PFKM: variants seen among roughly 807,000 people sequenced by gnomAD.
The protein encoded by PFKM is phosphofructokinase, muscle.
In PFKM, 58 loss-of-function variants were observed where a neutral mutation model predicts 95.5. That is an observed-to-expected ratio of 0.61 (90% CI 0.49 to 0.76). The LOEUF (loss-of-function observed/expected upper bound fraction) is 0.76, where lower values mean the gene tolerates loss of function less well. Among genes scored for constraint, PFKM ranks in the 30% least tolerant of loss-of-function variants. PFKM has a pLI of 0.00. For missense variants in PFKM, 678 were observed against 1,005.4 expected (o/e 0.67, Z 4.40); for synonymous variants, 336 against 357.2 (o/e 0.94, Z 0.67).
rs144745292 is a variant in PFKM, at chr12:48,131,183, C to T, written c.160-133C>T. On this transcript the variant is annotated intron_variant, in intron 3 of 22. Coordinates refer to ENST00000359794, the MANE Select transcript of PFKM (RefSeq NM_000289.6). ...TGGACTGTGTTAAATATGATAGTCTCACGAGCATCCAGGACTCACTAATGG... is the reference window on the plus strand; with the variant it reads ...TGGACTGTGTTAAATATGATAGTCTTACGAGCATCCAGGACTCACTAATGG... 317 of 724,584 alleles carry T rather than the reference C, an allele frequency of 4.4e-4. 5 individuals are homozygous for T. The African/African-American group carries it at 5.0e-3, about 12-fold the overall frequency. 44.9% of individuals were successfully genotyped at this position (724,584 alleles called of 1,614,324 possible). A position where few individuals can be genotyped will look rare whatever the true frequency, so the allele number is the denominator to read the frequency against.
At chr12:48,116,148 C>G (rs1592616889), upstream of PFKM, among the ~76,000 whole-genome samples, 1 of 144,524 alleles carries the variant, frequency 6.9e-6, no homozygotes, top group African/African-American at 2.6e-5. Flanking sequence ...CTTCCTCTCT[C>G]TCTCCCTCAC....
intron 10 of PFKM, 21 bp from the exon 11 acceptor site, chr12:48,137,700 T>C: frequency 9.3e-6 from 15 of 1,613,994 alleles, no homozygotes; most frequent in Non-Finnish European, 1.3e-5. Context: ...CAGACTGTCT[T>C]TGTTCTCTGG....
At chr12:48,106,237 G>A in intron 1 of PFKM, 1 of 642,294 alleles carries the variant, frequency 1.6e-6, no homozygotes, top group Admixed American at 2.4e-5. Flanking sequence ...AGCGAAGGGA[G>A]CATTTAAGAC....
intron 3 of PFKM, among the ~76,000 whole-genome samples, chr12:48,110,466 A>C (rs1239541908): frequency 1.3e-5 from 2 of 152,208 alleles, no homozygotes; most frequent in Non-Finnish European, 2.9e-5. Flanking sequence ...GATGGATGCC[A>C]CTGCCTTGCT....
At position 48,140,037 on chromosome 12, in the gene PFKM, G is replaced by T. The variant is rs112653217; in HGVS notation, c.1191+125G>T. The T allele has an allele frequency of 0.011, 7,885 of 699,876 alleles. 141 individuals are homozygous for T. The highest frequency in any genetic ancestry group is 0.048 in the African/African-American group (2,739 of 56,848). 43.4% of individuals were successfully genotyped at this position (699,876 alleles called of 1,614,324 possible). The stretch of plus-strand genomic sequence containing the variant: ...CTTCTCTGCCCCACTCTGATCTTCA[G>T]TGCTGGGTCCCTGGCCCTATTATAA... On this transcript the variant is annotated intron_variant, in intron 13 of 22. Transcript: ENST00000359794.
rs1565913065 is a variant in PFKM, at chr12:48,143,776, A to G, written c.1842A>G (p.Gln614=). Residue 614 remains glutamine (Q), a synonymous_variant, in exon 19 of 23, where the codon CAA becomes CAG. Coordinates refer to ENST00000359794, the MANE Select transcript of PFKM (RefSeq NM_000289.6). ...AGGCAAATGTTGAACATCTGGTGCA[A>G]AAGATGAAAACAACTGTGAAAAGGG... ...DLQANVEHLV[Q]KMKTTVKRGL... The G allele has an allele frequency of 6.2e-7, 1 of 1,613,576 alleles. No individual in the cohort carries two copies. Among genetic ancestry groups the G allele is most frequent in the Non-Finnish European group, 8.5e-7 (1 of 1,179,460 alleles).
rs1316130438 is a variant in PFKM, at chr12:48,140,720, A to G, written c.1192-2A>G. ...CATTTTTCCCTGCTTCCTCCTGTAT[A>G]GAGTGGTTCGCACACAGTGGCTGTG... On this transcript the variant is annotated splice_acceptor_variant, in intron 13 of 22. Transcript: ENST00000359794. LOFTEE classifies it high-confidence loss of function. 2 of 1,614,028 alleles carry G rather than the reference A, an allele frequency of 1.2e-6. No homozygotes were observed. Among genetic ancestry groups the G allele is most frequent in the Non-Finnish European group, 1.7e-6 (2 of 1,179,982 alleles).
At chr12:48,111,089 A>G (rs1947144689) in intron 3 of PFKM, among the ~76,000 whole-genome samples, 1 of 152,202 alleles carries the variant, frequency 6.6e-6, no homozygotes, top group Non-Finnish European at 1.5e-5. Context: ...ACTGCCCACT[A>G]GACATAAAGC....
At chr12:48,132,653 C>A (rs1359244083) in intron 4 of PFKM, 8 of 591,902 alleles carry the variant, frequency 1.4e-5, no homozygotes, top group Non-Finnish European at 1.5e-5. Context: ...TCTTAGCAGT[C>A]TTCTCAGATG....
intron 5 of PFKM, 55 bp downstream of exon 5, chr12:48,133,112 TACAC>T: frequency 6.7e-7 from 1 of 1,503,204 alleles, no homozygotes; most frequent in Non-Finnish European, 9.3e-7. Context: ...TGCACGCGTG[TACAC>T]ACACACATCG....
At chr12:48,121,992 G>T (rs1948331744) in intron 1 of PFKM, among the ~76,000 whole-genome samples, 1 of 152,024 alleles carries the variant, frequency 6.6e-6, no homozygotes, top group Admixed American at 6.6e-5. Flanking sequence ...AAATATGAAG[G>T]TGTTCCCATG....
chr12:48,145,467 T>C lies in PFKM; in HGVS notation c.2199-97T>C. The C allele has an allele frequency of 6.8e-7, 1 of 1,464,592 alleles. No individual in the cohort carries two copies. Among genetic ancestry groups the C allele is most frequent in the Admixed American group, 1.8e-5 (1 of 56,970 alleles). The allele number at this position is 1,464,592 out of a possible 1,614,324, so 90.7% of individuals were successfully genotyped here. Reference sequence around the variant, plus strand: ...TCAGATGTGATGCACATGTCCTAAATCTAACCTCTTCTGTCTAACTTCTTC... The same window carrying C: ...TCAGATGTGATGCACATGTCCTAAACCTAACCTCTTCTGTCTAACTTCTTC... On this transcript the variant is annotated intron_variant, in intron 22 of 22. Coordinates refer to ENST00000359794, the MANE Select transcript of PFKM (RefSeq NM_000289.6). The surrounding 1 kb of genome is among the most constrained non-coding windows in gnomAD (Gnocchi z 4.3).
chr12:48,107,103 T>G (rs893469711), intron 1 of PFKM, among the ~76,000 whole-genome samples: 2 of 152,098 alleles, frequency 1.3e-5, no homozygotes, highest in Admixed American at 6.6e-5. Flanking sequence ...ACAGGCACAG[T>G]CTGAGCTCAG....
At chr12:48,127,805 AC>A (rs1388992818) in intron 2 of PFKM, among the ~76,000 whole-genome samples, 1 of 152,090 alleles carries the variant, frequency 6.6e-6, no homozygotes, top group Non-Finnish European at 1.5e-5. Context: ...GGGGCCACAG[AC>A]CCCTTTAAGA....
intron 3 of PFKM, among the ~76,000 whole-genome samples, chr12:48,111,994 G>A (rs894266258): frequency 2.0e-5 from 3 of 152,158 alleles, no homozygotes; most frequent in Non-Finnish European, 2.9e-5. Flanking sequence ...TTAGGGCAGC[G>A]GCAGCCGCTG....
chr12:48,115,969 A>G (rs1947633375), upstream of PFKM, among the ~76,000 whole-genome samples: 2 of 152,120 alleles, frequency 1.3e-5, no homozygotes, highest in African/African-American at 4.8e-5. Context: ...TGGAATTGCT[A>G]ATTAATATGA....
intron 19 of PFKM, 74 bp downstream of exon 19, chr12:48,143,888 G>A: frequency 8.1e-7 from 1 of 1,232,192 alleles, no homozygotes; most frequent in Non-Finnish European, 1.2e-6. Context: ...AATGGCCATT[G>A]TTGGGACACC....
chr12:48,128,494 ACT>A (rs1949085591), intron 2 of PFKM, among the ~76,000 whole-genome samples: 1 of 151,678 alleles, frequency 6.6e-6, no homozygotes, highest in African/African-American at 2.4e-5. Context: ...GTATTCCCAG[ACT>A]CTGTGGTGGT....
At chr12:48,120,493 A>G (rs1178038856) in intron 1 of PFKM, among the ~76,000 whole-genome samples, 2 of 152,200 alleles carry the variant, frequency 1.3e-5, no homozygotes, top group Non-Finnish European at 2.9e-5. Flanking sequence ...TCTAGTTAGG[A>G]AAAATGACTT....
Sources: allele counts gnomAD v4.1 joint callset (sites outside exome capture counted in the v4.1 genomes callset), GRCh38; gene constraint gnomAD v4.1.1; non-coding constraint Gnocchi (gnomAD v3.1); transcripts MANE v1.5; gene names NCBI Gene and HGNC (gene_info 2026-07-23, HGNC 2026-07-21).